BMPR2: variants seen among roughly 807,000 people sequenced by gnomAD.
BMPR2 encodes bone morphogenetic protein receptor type-2.
Under a neutral mutation model 100.8 loss-of-function variants are expected in BMPR2, and 29 were observed. The observed-to-expected ratio is 0.29, with a 90% CI of 0.21 to 0.39. The LOEUF (loss-of-function observed/expected upper bound fraction) is 0.39. Among genes scored for constraint, BMPR2 ranks in the 10% least tolerant of loss-of-function variants. The pLI, the probability that BMPR2 is intolerant of heterozygous loss-of-function variation, is 1.00. For synonymous variants in BMPR2, 382 were observed against 442.3 expected (o/e 0.86, Z 1.71); for missense variants, 1,011 against 1,274.5 (o/e 0.79, Z 3.15).
chr2:202,429,504 T>C (rs898121559), intron 1 of BMPR2, among the ~76,000 whole-genome samples: 5 of 152,194 alleles, frequency 3.3e-5, no homozygotes, highest in African/African-American at 4.8e-5. Context: ...TCTTTACTTA[T>C]CTATGACAGT....
chr2:202,424,393 G>A (rs897001624), intron 1 of BMPR2, among the ~76,000 whole-genome samples: 10 of 143,698 alleles, frequency 7.0e-5, no homozygotes, highest in Non-Finnish European at 3.0e-5. Flanking sequence ...AAAAAAACAC[G>A]TTTTTTATAA....
chr2:202,414,098 A>G (rs1366973353), intron 1 of BMPR2, among the ~76,000 whole-genome samples: 1 of 152,224 alleles, frequency 6.6e-6, no homozygotes, highest in Non-Finnish European at 1.5e-5. Flanking sequence ...TGCATCAAGC[A>G]AGTCACTCAA....
intron 10 of BMPR2, among the ~76,000 whole-genome samples, chr2:202,550,980 A>G (rs1001326767): frequency 2.7e-5 from 3 of 110,484 alleles, no homozygotes; most frequent in African/African-American, 1.1e-4. Flanking sequence ...TTTTTGAGCC[A>G]GAGCCTTGCT....
intron 1 of BMPR2, among the ~76,000 whole-genome samples, chr2:202,440,824 G>A (rs1691723994): frequency 2.0e-5 from 3 of 150,480 alleles, no homozygotes; most frequent in African/African-American, 7.5e-5. Flanking sequence ...GAGAGGGAGA[G>A]GGAGAGCAGT....
In BMPR2 at chr2:202,503,033, T is replaced by C. The variant is rs186716356; in HGVS notation, c.419-10686T>C. On this transcript the variant is annotated intron_variant, in intron 3 of 12. Coordinates refer to ENST00000374580, the MANE Select transcript of BMPR2 (RefSeq NM_001204.7). This position sits in a 1 kb window ranked among gnomAD's most constrained non-coding sequence, Gnocchi z 4.0. ...AATGAGTTCAACTAACAACTTCTAC[T>C]GAGGACTCCTGGACCGACCCTCTGG... 3.6e-4 allele frequency among the ~76,000 whole-genome samples: 55 copies of C among 152,348 alleles called. 1 individual carries two copies. Among genetic ancestry groups the C allele is most frequent in the Admixed American group, 8.5e-4 (13 of 15,296 alleles).
At chr2:202,472,146 A>G (rs748737605) in intron 3 of BMPR2, among the ~76,000 whole-genome samples, 74 of 152,328 alleles carry the variant, frequency 4.9e-4, no homozygotes, top group African/African-American at 1.5e-3. Context: ...TCAACCAATT[A>G]TAACAGACCA....
chr2:202,467,320 C>T (rs1017020409), intron 2 of BMPR2, among the ~76,000 whole-genome samples, 199 bp from the exon 3 acceptor site: 3 of 152,048 alleles, frequency 2.0e-5, no homozygotes, highest in Admixed American at 6.6e-5. Context: ...TTTTGGTGGC[C>T]TTTTCCCCCC....
At chr2:202,488,459 C>CA (rs946490203) in intron 3 of BMPR2, among the ~76,000 whole-genome samples, 3 of 151,446 alleles carry the variant, frequency 2.0e-5, no homozygotes, top group Non-Finnish European at 1.5e-5. Flanking sequence ...CCTTTTTAAA[C>CA]AAAAAAACAA....
intron 3 of BMPR2, among the ~76,000 whole-genome samples, chr2:202,510,097 T>G (rs1412845548): frequency 6.6e-6 from 1 of 152,192 alleles, no homozygotes; most frequent in Non-Finnish European, 1.5e-5. Flanking sequence ...GACTACGAAT[T>G]TTTTTATTGT....
chr2:202,377,256 A>ACC lies in BMPR2; in HGVS notation c.-213_-212dup. On this transcript the variant is annotated 5_prime_UTR_variant, in exon 1 of 13. The change abolishes the stop of an existing upstream ORF in the 5' untranslated region. Coordinates refer to ENST00000374580, the MANE Select transcript of BMPR2 (RefSeq NM_001204.7). ...GCGGCACCCCGTCCGAGGCGAAGGAACCCCCCCAGCCGCGAGGGAGAGAAA... is the reference window on the plus strand; with the variant it reads ...GCGGCACCCCGTCCGAGGCGAAGGAACCCCCCCCCAGCCGCGAGGGAGAGAAA... The ACC allele has an allele frequency of 1.6e-6, 1 of 621,960 alleles. No homozygotes were observed. Among genetic ancestry groups the ACC allele is most frequent in the Non-Finnish European group, 2.9e-6 (1 of 343,610 alleles). 38.5% of individuals were successfully genotyped at this position (621,960 alleles called of 1,614,324 possible).
intron 1 of BMPR2, among the ~76,000 whole-genome samples, chr2:202,379,854 C>T (rs115216774): frequency 6.0e-4 from 91 of 151,544 alleles, no homozygotes; most frequent in African/African-American, 2.2e-3. Context: ...TTCTTTCTTT[C>T]TTTCTTTCTT....
chr2:202,502,153 T>C (rs572825956), intron 3 of BMPR2, among the ~76,000 whole-genome samples: 1 of 152,374 alleles, frequency 6.6e-6, no homozygotes, highest in East Asian at 1.9e-4. Flanking sequence ...TAATCCTACA[T>C]GCCCATGCTA....
At chr2:202,535,997 A>G (rs1478435243) in intron 9 of BMPR2, among the ~76,000 whole-genome samples, 3 of 148,414 alleles carry the variant, frequency 2.0e-5, no homozygotes, top group Admixed American at 2.0e-4. Flanking sequence ...TCAGGCAGGG[A>G]GGTTGCAGTG....
intron 3 of BMPR2, among the ~76,000 whole-genome samples, chr2:202,510,661 T>C (rs1314371371): frequency 6.6e-6 from 1 of 151,978 alleles, no homozygotes; most frequent in East Asian, 1.9e-4. Flanking sequence ...AAATGAGGTT[T>C]TTTTTGTTTT....
chr2:202,501,539 A>G lies in BMPR2; in HGVS notation c.419-12180A>G, dbSNP rs370214040. Among the ~76,000 whole-genome samples the G allele has an allele frequency of 3.2e-3, 487 of 152,356 alleles. 2 individuals are homozygous for G. The highest frequency in any genetic ancestry group is 0.011 in the African/African-American group (471 of 41,582). ...AGTCCTTACTCAGACTCGTGGGACA[A>G]TCCCACAACCAGTGGCATACCTAAG... On this transcript the variant is annotated intron_variant, in intron 3 of 12. Transcript: ENST00000374580.
chr2:202,405,978 T>G (rs1193990925), intron 1 of BMPR2, among the ~76,000 whole-genome samples: 3 of 151,738 alleles, frequency 2.0e-5, no homozygotes, highest in African/African-American at 7.2e-5. Flanking sequence ...CACTTGCATG[T>G]GTAGTTTGTT....
chr2:202,488,641 C>T (rs1416860481), intron 3 of BMPR2, among the ~76,000 whole-genome samples: 1 of 152,026 alleles, frequency 6.6e-6, no homozygotes, highest in African/African-American at 2.4e-5. Context: ...CTGTGTTCCT[C>T]AGGATGGTCT....
chr2:202,393,424 A>G (rs2105904803), intron 1 of BMPR2, among the ~76,000 whole-genome samples: 1 of 152,236 alleles, frequency 6.6e-6, no homozygotes, highest in African/African-American at 2.4e-5. Context: ...AAAACGGTGT[A>G]CGATTCTTTG....
rs1377242364 is a variant in BMPR2, at chr2:202,377,050, G to T, written c.-425G>T. On this transcript the variant is annotated 5_prime_UTR_variant, in exon 1 of 13. Transcript: ENST00000374580. ...CGGCTTCGTCCTTCCCGGCAGTCGG[G>T]AACTAGTTCTGACCCTCGCCCCCCG... 8.3e-6 allele frequency: 4 copies of T among 484,364 alleles called. No homozygotes were observed. The highest frequency in any genetic ancestry group is 1.4e-5 in the Non-Finnish European group (4 of 277,270). The allele number at this position is 484,364 out of a possible 1,614,324, so 30.0% of individuals were successfully genotyped here.
Sources: allele counts gnomAD v4.1 joint callset (sites outside exome capture counted in the v4.1 genomes callset), GRCh38; gene constraint gnomAD v4.1.1; non-coding constraint Gnocchi (gnomAD v3.1); transcripts MANE v1.5; gene names NCBI Gene and HGNC (gene_info 2026-07-23, HGNC 2026-07-21).